SOX6: variants seen among roughly 807,000 people sequenced by gnomAD.
The protein encoded by SOX6 is transcription factor SOX-6.
A neutral mutation model predicts 97.8 loss-of-function variants in SOX6; 11 were observed. That is an observed-to-expected ratio of 0.11 (90% CI 0.07 to 0.19). The LOEUF (loss-of-function observed/expected upper bound fraction) is 0.19. SOX6 is among the 10% of genes least tolerant of loss of function. The probability of loss-of-function intolerance (pLI) is 1.00; values close to 1 mark genes in which losing one functional copy is unlikely to be tolerated. For missense variants in SOX6, 810 were observed against 1,039.5 expected (o/e 0.78, Z 3.04); for synonymous variants, 360 against 371.4 (o/e 0.97, Z 0.35).
intron 6 of SOX6, among the ~76,000 whole-genome samples, chr11:16,118,923 A>C (rs1291120433): frequency 1.3e-5 from 2 of 152,150 alleles, no homozygotes; most frequent in Non-Finnish European, 2.9e-5. Context: ...AAACTGTTGA[A>C]AGAAATGTTT....
intron 3 of SOX6, among the ~76,000 whole-genome samples, chr11:16,669,668 C>T (rs1014641523): frequency 2.6e-5 from 4 of 152,178 alleles, no homozygotes; most frequent in South Asian, 2.1e-4. Flanking sequence ...TTGCTGTCTC[C>T]AGGCTTGGGA....
intron 2 of SOX6, 54 bp downstream of exon 2, chr11:16,340,958 G>A (rs1192966943): frequency 6.2e-7 from 1 of 1,609,650 alleles, no homozygotes; most frequent in Non-Finnish European, 8.5e-7. Flanking sequence ...TATTTATAAT[G>A]AGGACATTCT....
At chr11:15,973,609 CAGCAA>C (rs1031362329) in intron 15 of SOX6, among the ~76,000 whole-genome samples, 1 of 152,196 alleles carries the variant, frequency 6.6e-6, no homozygotes, top group Non-Finnish European at 1.5e-5. Context: ...GAGTGAGATT[CAGCAA>C]AGCATTTATT....
chr11:16,326,873 C>T (rs1856111121), intron 2 of SOX6, among the ~76,000 whole-genome samples: 1 of 152,192 alleles, frequency 6.6e-6, no homozygotes, highest in African/African-American at 2.4e-5. Context: ...TCTTTACTCA[C>T]AGATAAGGTA....
At position 16,096,127 on chromosome 11, in the gene SOX6, T is replaced by C. The variant is rs756652524; in HGVS notation, c.979-9A>G. ...TGGGAGACATGACCCTTCTGTTTAG[T>C]AGCATATTCAGAAAAAAAAAAAAAG... is the stretch of plus-strand genomic sequence containing the variant. On this transcript the variant is annotated splice_polypyrimidine_tract_variant and intron_variant, in intron 8 of 15. Transcript: ENST00000683767. 2 of 1,609,600 alleles carry C rather than the reference T, an allele frequency of 1.2e-6. No individual in the cohort carries two copies. Among genetic ancestry groups the C allele is most frequent in the Non-Finnish European group, 1.7e-6 (2 of 1,177,822 alleles).
intron 6 of SOX6, among the ~76,000 whole-genome samples, chr11:16,132,665 T>C (rs1849850226): frequency 6.6e-6 from 1 of 151,746 alleles, no homozygotes; most frequent in South Asian, 2.1e-4. Flanking sequence ...CTGGGCTCAT[T>C]CTATATCCCT....
intron 4 of SOX6, among the ~76,000 whole-genome samples, chr11:16,580,067 G>A (rs1458037615): frequency 6.6e-6 from 1 of 151,966 alleles, no homozygotes; most frequent in Non-Finnish European, 1.5e-5. Flanking sequence ...GTAACTCTTA[G>A]CTACTTAAGG....
chr11:16,299,124 C>A (rs1175119367), intron 3 of SOX6, among the ~76,000 whole-genome samples: 2 of 152,162 alleles, frequency 1.3e-5, no homozygotes, highest in African/African-American at 4.8e-5. Flanking sequence ...TCAGAATAAT[C>A]TTAATACAAA....
At chr11:16,201,182 A>AGGT (rs1451659418) in intron 4 of SOX6, among the ~76,000 whole-genome samples, 5 of 152,070 alleles carry the variant, frequency 3.3e-5, no homozygotes, top group African/African-American at 1.2e-4. Context: ...ACATCATCCA[A>AGGT]CCTACGACAT....
chr11:16,267,350 AAAAC>A (rs1299642959), intron 3 of SOX6, among the ~76,000 whole-genome samples: 1 of 151,678 alleles, frequency 6.6e-6, no homozygotes, highest in African/African-American at 2.4e-5. Flanking sequence ...TTATAAAAGA[AAAAC>A]AAATAATTTG....
rs186047556 is a variant in SOX6, at chr11:16,339,819, G to A, written c.237+1193C>T. 1.3e-4 allele frequency among the ~76,000 whole-genome samples: 20 copies of A among 152,088 alleles called. 1 individual carries two copies. The highest frequency in any genetic ancestry group is 4.8e-4 in the African/African-American group (20 of 41,514). On this transcript the variant is annotated intron_variant, in intron 2 of 15. Transcript: ENST00000683767. The stretch of plus-strand genomic sequence containing the variant: ...TGCCAATACGCAAGTGGCAGTGACT[G>A]GATATCTATTTCACCTTGGAGGTGT...
intron 1 of SOX6, among the ~76,000 whole-genome samples, chr11:16,355,870 A>T (rs896917133): frequency 6.6e-6 from 1 of 152,096 alleles, no homozygotes; most frequent in African/African-American, 2.4e-5. Context: ...TTCAACCCTC[A>T]GGAAAACCAA....
At chr11:16,641,970 G>T (rs1447922057) in intron 3 of SOX6, among the ~76,000 whole-genome samples, 7 of 152,232 alleles carry the variant, frequency 4.6e-5, no homozygotes, top group South Asian at 2.1e-4. Flanking sequence ...TGGTTATTTT[G>T]CTCGTTAGTT....
At chr11:16,137,561 C>G (rs1413538207) in intron 6 of SOX6, among the ~76,000 whole-genome samples, 2 of 152,180 alleles carry the variant, frequency 1.3e-5, no homozygotes, top group Non-Finnish European at 2.9e-5. Context: ...TAGTATCTTA[C>G]TTTTGAGCCA....
intron 1 of SOX6, among the ~76,000 whole-genome samples, chr11:16,349,662 G>A (rs1856861781): frequency 3.3e-5 from 1 of 30,512 alleles, no homozygotes; most frequent in Non-Finnish European, 7.1e-5. Context: ...AGAAGAAAGA[G>A]AGGGAGGGAG....
At chr11:15,996,792 T>G (rs1854239806) in intron 13 of SOX6, among the ~76,000 whole-genome samples, 1 of 151,966 alleles carries the variant, frequency 6.6e-6, no homozygotes, top group African/African-American at 2.4e-5. Flanking sequence ...AATACTGAAG[T>G]GTAAGACCTA....
At chr11:16,159,871 G>C (rs1850700774) in intron 6 of SOX6, among the ~76,000 whole-genome samples, 2 of 152,092 alleles carry the variant, frequency 1.3e-5, no homozygotes, top group Non-Finnish European at 2.9e-5. Context: ...TAAAGTGGCA[G>C]AATTTGGAGG....
At chr11:16,039,062 G>A (rs1855588837) in intron 12 of SOX6, among the ~76,000 whole-genome samples, 1 of 152,060 alleles carries the variant, frequency 6.6e-6, no homozygotes, top group African/African-American at 2.4e-5. Context: ...AATCGAGTCT[G>A]TGGCCATCCT....
chr11:16,618,635 G>A (rs919964667), intron 3 of SOX6, among the ~76,000 whole-genome samples: 2 of 151,858 alleles, frequency 1.3e-5, no homozygotes, highest in African/African-American at 2.4e-5. Context: ...TTTCGTATGC[G>A]GTCTTAAAAG....
Sources: gnomAD v4.1 joint callset for allele counts (sites outside exome capture counted in the v4.1 genomes callset) on GRCh38, gnomAD v4.1.1 for gene constraint, MANE v1.5 for transcripts, NCBI Gene and HGNC (gene_info 2026-07-23, HGNC 2026-07-21) for gene names.